Variants in MAGI2 observed in about 807,000 individuals in gnomAD.
MAGI2 encodes the protein membrane associated guanylate kinase, WW and PDZ domain containing 2, also known as membrane-associated guanylate kinase, WW and PDZ domain-containing protein 2.
MAGI2 carries 35 observed loss-of-function variants against 133.3 expected under a neutral mutation model. The ratio of observed to expected loss-of-function variants is 0.26; its 90% CI spans 0.20 to 0.35. The LOEUF (loss-of-function observed/expected upper bound fraction) is 0.35. Among genes scored for constraint, MAGI2 ranks in the 10% least tolerant of loss-of-function variants. MAGI2 has a pLI of 1.00. For synonymous variants in MAGI2, 729 were observed against 710.6 expected, an observed-to-expected ratio of 1.03 and a Z score of -0.41; for missense variants, 1,636 against 1,863.4, an observed-to-expected ratio of 0.88 and a Z score of 2.25.
At chr7:79,425,582 A>ATATATATATGTATATATATATATATG (rs780798685) in intron 1 of MAGI2, among the ~76,000 whole-genome samples, 24 of 140,184 alleles carry the variant, frequency 1.7e-4, no homozygotes, top group African/African-American at 5.4e-4. Context: ...AGGGTTTTAT[A>ATATATATATGTATATATATATATATG]TATATATATA....
intron 2 of MAGI2, among the ~76,000 whole-genome samples, chr7:78,914,152 C>G (rs1206945315): frequency 6.6e-6 from 1 of 152,154 alleles, no homozygotes; most frequent in Non-Finnish European, 1.5e-5. Flanking sequence ...CTTGCCCCTT[C>G]AAATGAACTG....
chr7:79,257,077 A>G (rs1178176781), intron 1 of MAGI2, among the ~76,000 whole-genome samples: 2 of 152,150 alleles, frequency 1.3e-5, no homozygotes, highest in African/African-American at 4.8e-5. Context: ...TGTAATATGT[A>G]TGTTAATTAG....
intron 2 of MAGI2, among the ~76,000 whole-genome samples, chr7:78,828,895 T>A (rs1308688663): frequency 6.6e-6 from 1 of 152,184 alleles, no homozygotes; most frequent in African/African-American, 2.4e-5. Flanking sequence ...TGGTTCTTTT[T>A]AAAATAAGAA....
At chr7:78,137,820 G>A (rs1247190652) in intron 16 of MAGI2, among the ~76,000 whole-genome samples, 1 of 152,088 alleles carries the variant, frequency 6.6e-6, no homozygotes, top group African/African-American at 2.4e-5. Context: ...CCCACATTGA[G>A]CCCTACACAC....
In MAGI2 at chr7:78,399,538, C is replaced by T. The variant is rs373477488; in HGVS notation, c.1046-30325G>A. 4.1e-4 allele frequency among the ~76,000 whole-genome samples: 63 copies of T among 152,262 alleles called. No homozygotes were observed. The East Asian group carries it at 9.5e-3, about 23-fold the overall frequency. On this transcript the variant is annotated intron_variant, in intron 6 of 21. Transcript: ENST00000354212. Reference sequence around the variant, plus strand: ...GCATGATATTGGCTGGGTGCAGTGGCTCATGCCAGTAATCCCAGCATTCTG... The same window carrying T: ...GCATGATATTGGCTGGGTGCAGTGGTTCATGCCAGTAATCCCAGCATTCTG...
chr7:79,006,914 C>T, intron 2 of MAGI2, 176 bp downstream of exon 2: 3 of 475,626 alleles, frequency 6.3e-6, no homozygotes, highest in East Asian at 3.4e-5. Flanking sequence ...CATCATAAAC[C>T]ATACTACTGC....
intron 2 of MAGI2, among the ~76,000 whole-genome samples, chr7:78,863,114 C>T (rs1794281040): frequency 1.3e-5 from 2 of 152,144 alleles, no homozygotes; most frequent in African/African-American, 2.4e-5. Flanking sequence ...TTACAAATGA[C>T]TTAAAACATG....
chr7:78,844,363 T>C (rs1430629862), intron 2 of MAGI2, among the ~76,000 whole-genome samples: 1 of 151,832 alleles, frequency 6.6e-6, no homozygotes, highest in Non-Finnish European at 1.5e-5. Flanking sequence ...TGAATGTTCA[T>C]AGCATCATTA....
At chr7:78,153,533 G>T (rs1373996066) in intron 16 of MAGI2, among the ~76,000 whole-genome samples, 1 of 152,218 alleles carries the variant, frequency 6.6e-6, no homozygotes, top group African/African-American at 2.4e-5. Context: ...CCTTGAAAGG[G>T]GAGCTGGGTT....
chr7:79,401,012 G>T (rs1347230200), intron 1 of MAGI2, among the ~76,000 whole-genome samples: 1 of 151,988 alleles, frequency 6.6e-6, no homozygotes, highest in East Asian at 1.9e-4. Flanking sequence ...TATGTATTTT[G>T]TTTAAAGTCA....
intron 9 of MAGI2, among the ~76,000 whole-genome samples, chr7:78,268,884 C>A (rs987606767): frequency 6.6e-6 from 1 of 152,054 alleles, no homozygotes; most frequent in Non-Finnish European, 1.5e-5. Flanking sequence ...TTGCTGTACC[C>A]TTCAACCCAT....
At chr7:78,453,185 C>A (rs1246876385) in intron 6 of MAGI2, among the ~76,000 whole-genome samples, 1 of 152,084 alleles carries the variant, frequency 6.6e-6, no homozygotes, top group Non-Finnish European at 1.5e-5. Context: ...GCATAATGAA[C>A]AATGTGAATA....
chr7:78,298,098 G>A (rs1797471987), intron 9 of MAGI2, among the ~76,000 whole-genome samples: 1 of 152,060 alleles, frequency 6.6e-6, no homozygotes, highest in Non-Finnish European at 1.5e-5. Context: ...TACATCTGTG[G>A]TCTTCCTCAC....
intron 21 of MAGI2, among the ~76,000 whole-genome samples, chr7:78,041,473 T>C (rs1810838264): frequency 6.6e-6 from 1 of 152,040 alleles, no homozygotes; most frequent in African/African-American, 2.4e-5. Flanking sequence ...CCCAGGAGTT[T>C]GAGACCACCC....
At chr7:78,481,316 AGT>A (rs1792348074) in intron 6 of MAGI2, among the ~76,000 whole-genome samples, 4 of 151,926 alleles carry the variant, frequency 2.6e-5, no homozygotes, top group Admixed American at 6.6e-5. Flanking sequence ...TGAGAGGGAG[AGT>A]GTGTGTGAGT....
intron 1 of MAGI2, among the ~76,000 whole-genome samples, chr7:79,288,241 T>C (rs1209347910): frequency 6.6e-6 from 1 of 152,166 alleles, no homozygotes; most frequent in Admixed American, 6.6e-5. Flanking sequence ...CTTCAGCTTC[T>C]TCATCTAGAG....
At chr7:78,708,874 C>A (rs1315586172) in intron 2 of MAGI2, among the ~76,000 whole-genome samples, 1 of 151,776 alleles carries the variant, frequency 6.6e-6, no homozygotes, top group East Asian at 1.9e-4. Flanking sequence ...TTTTAAAGTA[C>A]CTTATAAGAC....
At chr7:78,527,622 A>G (rs1266994242) in intron 3 of MAGI2, among the ~76,000 whole-genome samples, 1 of 152,248 alleles carries the variant, frequency 6.6e-6, no homozygotes, top group African/African-American at 2.4e-5. Flanking sequence ...AGAAATAGGA[A>G]AGACACTGAA....
At chr7:78,294,347 CAAG>C (rs1202100509) in intron 9 of MAGI2, among the ~76,000 whole-genome samples, 1 of 152,026 alleles carries the variant, frequency 6.6e-6, no homozygotes, top group Non-Finnish European at 1.5e-5. Context: ...AAAGGGAAAA[CAAG>C]AACTTTATTG....
Sources: allele counts gnomAD v4.1 joint callset (sites outside exome capture counted in the v4.1 genomes callset), GRCh38; gene constraint gnomAD v4.1.1; transcripts MANE v1.5; gene names NCBI Gene and HGNC (gene_info 2026-07-23, HGNC 2026-07-21).